GTF2H3: variants seen among roughly 807,000 people sequenced by gnomAD.
The protein encoded by GTF2H3 is TFIIH basal transcription factor complex p34 subunit.
A neutral mutation model predicts 51.1 loss-of-function variants in GTF2H3; 42 were observed. That is an observed-to-expected ratio of 0.82 (90% CI 0.64 to 1.06). GTF2H3 has a LOEUF of 1.06. GTF2H3 is among the 50% of genes least tolerant of loss of function. The pLI is 0.00. For missense variants in GTF2H3, 326 were observed against 366.1 expected (o/e 0.89, Z 0.89); for synonymous variants, 123 against 123.8 (o/e 0.99, Z 0.04).
At chr12:123,647,747 C>G (rs1031841211) in intron 3 of GTF2H3, among the ~76,000 whole-genome samples, 4 of 152,152 alleles carry the variant, frequency 2.6e-5, no homozygotes, top group African/African-American at 9.7e-5. Context: ...AAATGTTGGC[C>G]AGTTTGCCTA....
intron 8 of GTF2H3, 41 bp from the exon 9 acceptor site, chr12:123,655,730 T>C (rs1454440515): frequency 8.6e-7 from 1 of 1,159,084 alleles, no homozygotes; most frequent in Non-Finnish European, 1.3e-6. Context: ...GTAATCATTA[T>C]TGTTATTATT....
intron 7 of GTF2H3, among the ~76,000 whole-genome samples, chr12:123,653,423 AG>A (rs1301083622): frequency 6.6e-6 from 1 of 151,862 alleles, no homozygotes; most frequent in Non-Finnish European, 1.5e-5. Context: ...ACACTTTGGG[AG>A]GCCAAGGCGG....
chr12:123,653,813 A>C (rs1416013316), intron 7 of GTF2H3, among the ~76,000 whole-genome samples: 1 of 152,124 alleles, frequency 6.6e-6, no homozygotes. Flanking sequence ...TCTGGGGTGC[A>C]TTTTGGTAAT....
At chr12:123,647,446 T>C (rs2135788138) in intron 3 of GTF2H3, among the ~76,000 whole-genome samples, 1 of 151,912 alleles carries the variant, frequency 6.6e-6, no homozygotes, top group African/African-American at 2.4e-5. Context: ...CACTCCAGCC[T>C]GGGCGACACA....
intron 1 of GTF2H3, among the ~76,000 whole-genome samples, chr12:123,635,662 C>T (rs1432013032): frequency 6.6e-6 from 1 of 152,016 alleles, no homozygotes; most frequent in Non-Finnish European, 1.5e-5. Context: ...ATCTTCCTGC[C>T]TCGACCTCCC....
chr12:123,644,327 T>C (rs908990764), intron 2 of GTF2H3, among the ~76,000 whole-genome samples: 1 of 152,056 alleles, frequency 6.6e-6, no homozygotes, highest in Non-Finnish European at 1.5e-5. Flanking sequence ...TGTGGGAAGG[T>C]GAGCTCGAGG....
chr12:123,640,705 G>C (rs1410198289), intron 2 of GTF2H3, among the ~76,000 whole-genome samples: 1 of 152,096 alleles, frequency 6.6e-6, no homozygotes, highest in African/African-American at 2.4e-5. Flanking sequence ...AAAATCAGAA[G>C]AATAACATTT....
chr12:123,655,475 C>T, intron 8 of GTF2H3: 1 of 363,370 alleles, frequency 2.8e-6, no homozygotes, highest in South Asian at 6.9e-5. Context: ...TAAAATGCTG[C>T]TATAGCCATG....
chr12:123,654,222 GTGTT>G lies in GTF2H3; in HGVS notation c.487-696_487-693del, dbSNP rs148622993. On this transcript the variant is annotated intron_variant, in intron 7 of 12. Coordinates refer to ENST00000543341, the MANE Select transcript of GTF2H3 (RefSeq NM_001516.5). Reference sequence around the variant, plus strand: ...TGTGTTTTGGGTGTATTTTGGGTTTGTGTTTGTTTTATGTGTGTATTTGGGGTGT... The same window carrying G: ...TGTGTTTTGGGTGTATTTTGGGTTTGTGTTTTATGTGTGTATTTGGGGTGT... Among the ~76,000 whole-genome samples the G allele has an allele frequency of 6.4e-3, 856 of 133,688 alleles. 10 individuals are homozygous for G. Among genetic ancestry groups the G allele is most frequent in the African/African-American group, 0.022 (803 of 35,776 alleles). 87.7% of individuals were successfully genotyped at this position (133,688 alleles called of 152,430 possible).
chr12:123,645,418 C>A, intron 2 of GTF2H3, 37 bp from the exon 3 acceptor site: 1 of 1,070,856 alleles, frequency 9.3e-7, no homozygotes, highest in Non-Finnish European at 1.5e-6. Context: ...ATTTGGATAG[C>A]TAATTTGTTT....
intron 1 of GTF2H3, among the ~76,000 whole-genome samples, chr12:123,638,750 G>A (rs1485518921): frequency 1.3e-5 from 2 of 151,206 alleles, no homozygotes; most frequent in African/African-American, 2.4e-5. Flanking sequence ...AGTGGTTCAG[G>A]ACGTAGACAA....
At chr12:123,647,180 A>C (rs11612927) in intron 3 of GTF2H3, among the ~76,000 whole-genome samples, 44,741 of 148,078 alleles carry the variant, frequency 0.3, 7,377 homozygotes, top group Non-Finnish European at 0.38. Flanking sequence ...AAAGTCACGA[A>C]GTCACGAGGC....
chr12:123,646,758 A>T (rs1054113949), intron 3 of GTF2H3, among the ~76,000 whole-genome samples: 1 of 151,560 alleles, frequency 6.6e-6, no homozygotes, highest in Non-Finnish European at 1.5e-5. Flanking sequence ...GGATGAAAAG[A>T]TGATATTAGT....
At chr12:123,642,576 G>A (rs948055610) in intron 2 of GTF2H3, among the ~76,000 whole-genome samples, 9 of 152,176 alleles carry the variant, frequency 5.9e-5, no homozygotes, top group Non-Finnish European at 1.3e-4. Context: ...ACCCACAACA[G>A]TTGCTGTAGG....
At chr12:123,642,112 C>T (rs1407218604) in intron 2 of GTF2H3, among the ~76,000 whole-genome samples, 2 of 151,840 alleles carry the variant, frequency 1.3e-5, no homozygotes, top group Non-Finnish European at 2.9e-5. Context: ...CCTCGGCCTC[C>T]CAAAGTGCTA....
In GTF2H3 at chr12:123,660,250, C is replaced by T; in HGVS notation, c.*15C>T. On this transcript the variant is annotated 3_prime_UTR_variant, in exon 13 of 13. Transcript: ENST00000543341. ...TGTCTGCCTGAGGATAAAATATTTT[C>T]CCCATCTTTTAGAGCTGTTAATAGA... The T allele has an allele frequency of 6.3e-7, 1 of 1,584,694 alleles. No homozygotes were observed. The highest frequency in any genetic ancestry group is 1.8e-5 in the Admixed American group (1 of 56,954).
rs2135805891 is a variant in GTF2H3, at chr12:123,662,245, A to G, written c.*2010A>G. On this transcript the variant is annotated 3_prime_UTR_variant, in exon 13 of 13. Transcript: ENST00000543341. ...TTTATACAAGCTGAGTCATATTTAAATAATTTGATGTTGGCTTAGATAATT... is the reference window on the plus strand; with the variant it reads ...TTTATACAAGCTGAGTCATATTTAAGTAATTTGATGTTGGCTTAGATAATT... 1 of 152,208 alleles carries G rather than the reference A, an allele frequency of 6.6e-6. No individual in the cohort carries two copies. The highest frequency in any genetic ancestry group is 1.9e-4 in the East Asian group (1 of 5,180). The allele number at this position is 152,208 out of a possible 1,614,324, so 9.4% of individuals were successfully genotyped here. A position where few individuals can be genotyped will look rare whatever the true frequency, so the allele number is the denominator to read the frequency against.
At chr12:123,644,372 T>C (rs1955418346) in intron 2 of GTF2H3, among the ~76,000 whole-genome samples, 1 of 152,160 alleles carries the variant, frequency 6.6e-6, no homozygotes, top group Non-Finnish European at 1.5e-5. Flanking sequence ...TTTTTCAAAC[T>C]TTAAAAGTTT....
intron 9 of GTF2H3, among the ~76,000 whole-genome samples, chr12:123,656,923 A>G (rs1436361464): frequency 6.6e-6 from 1 of 152,040 alleles, no homozygotes; most frequent in Non-Finnish European, 1.5e-5. Flanking sequence ...CCATCTCTAT[A>G]AACAATACAA....
Sources: gnomAD v4.1 joint callset for allele counts (sites outside exome capture counted in the v4.1 genomes callset) on GRCh38, gnomAD v4.1.1 for gene constraint, MANE v1.5 for transcripts, NCBI Gene and HGNC (gene_info 2026-07-23, HGNC 2026-07-21) for gene names.